Variants in CCSER1 observed in about 807,000 individuals in gnomAD.
CCSER1 encodes the protein coiled-coil serine rich protein 1, also known as serine-rich coiled-coil domain-containing protein 1.
A neutral mutation model predicts 82.0 loss-of-function variants in CCSER1; 41 were observed. The observed-to-expected ratio is 0.50, with a 90% CI of 0.39 to 0.65. The LOEUF is 0.65. Ranked by LOEUF, CCSER1 falls within the 30% of genes least tolerant of loss-of-function variation. The pLI, the probability that CCSER1 is intolerant of heterozygous loss-of-function variation, is 0.00. For missense variants in CCSER1, 1,119 were observed against 1,064.2 expected, an observed-to-expected ratio of 1.05 and a Z score of -0.72; for synonymous variants, 414 against 383.9, an observed-to-expected ratio of 1.08 and a Z score of -0.92.
At chr4:90,669,242 A>G (rs1425861800) in intron 6 of CCSER1, among the ~76,000 whole-genome samples, 1 of 152,060 alleles carries the variant, frequency 6.6e-6, no homozygotes, top group Admixed American at 6.6e-5. Context: ...GAATTTCTCA[A>G]ATTTTCTACA....
chr4:90,976,810 T>G (rs543069538), intron 9 of CCSER1, among the ~76,000 whole-genome samples: 3 of 151,748 alleles, frequency 2.0e-5, no homozygotes, highest in Admixed American at 6.6e-5. Flanking sequence ...TTATCCATAA[T>G]ATTTTACAAA....
intron 1 of CCSER1, among the ~76,000 whole-genome samples, chr4:90,234,322 T>C (rs1745339118): frequency 6.6e-6 from 1 of 151,920 alleles, no homozygotes; most frequent in Non-Finnish European, 1.5e-5. Context: ...GCTCAAGCAA[T>C]TCTCCTACCT....
chr4:90,929,434 C>T (rs1242202842), intron 9 of CCSER1, among the ~76,000 whole-genome samples: 3 of 152,178 alleles, frequency 2.0e-5, no homozygotes, highest in Admixed American at 6.6e-5. Flanking sequence ...CTCAAATCAG[C>T]ATAGACAACT....
intron 7 of CCSER1, among the ~76,000 whole-genome samples, chr4:90,741,898 A>G (rs1746616027): frequency 6.6e-6 from 1 of 152,194 alleles, no homozygotes; most frequent in Non-Finnish European, 1.5e-5. Flanking sequence ...TGCCTACTGT[A>G]TTAGTTCATT....
chr4:91,563,631 T>A (rs1762757892), intron 10 of CCSER1, among the ~76,000 whole-genome samples: 1 of 151,712 alleles, frequency 6.6e-6, no homozygotes, highest in African/African-American at 2.4e-5. Context: ...CCTCTAAGAT[T>A]AGAGAAACAA....
intron 1 of CCSER1, among the ~76,000 whole-genome samples, chr4:90,244,059 T>C (rs544732406): frequency 5.3e-5 from 8 of 152,200 alleles, no homozygotes; most frequent in Non-Finnish European, 1.0e-4. Flanking sequence ...AATGAATATT[T>C]TGAGTATTTT....
intron 10 of CCSER1, among the ~76,000 whole-genome samples, chr4:91,492,625 T>C (rs1325326133): frequency 6.6e-6 from 1 of 152,098 alleles, no homozygotes; most frequent in African/African-American, 2.4e-5. Flanking sequence ...AAGAACATTA[T>C]AAGAAGCAGC....
chr4:91,112,522 CT>C (rs1298818247), intron 10 of CCSER1: 1 of 152,070 alleles, frequency 6.6e-6, no homozygotes, highest in Non-Finnish European at 1.5e-5. Context: ...CAAGTTCTTT[CT>C]GCTTAGTTTT....
intron 5 of CCSER1, among the ~76,000 whole-genome samples, chr4:90,623,676 A>G (rs1386382444): frequency 6.6e-6 from 1 of 152,222 alleles, no homozygotes; most frequent in Non-Finnish European, 1.5e-5. Flanking sequence ...TATAGAGGGA[A>G]ATGCTGATTG....
chr4:90,330,037 T>C (rs901295800), intron 3 of CCSER1, among the ~76,000 whole-genome samples: 14 of 152,126 alleles, frequency 9.2e-5, no homozygotes, highest in African/African-American at 2.7e-4. Context: ...AAAATAATGA[T>C]AGATTATTTA....
intron 4 of CCSER1, among the ~76,000 whole-genome samples, chr4:90,440,906 C>T (rs1011555956): frequency 8.6e-5 from 13 of 152,000 alleles, no homozygotes; most frequent in Admixed American, 8.5e-4. Flanking sequence ...GCCCTATTCT[C>T]AGAGAGCTTT....
intron 9 of CCSER1, among the ~76,000 whole-genome samples, chr4:91,030,557 T>G (rs1410499511): frequency 1.3e-5 from 2 of 152,090 alleles, no homozygotes; most frequent in Non-Finnish European, 2.9e-5. Flanking sequence ...GGGTCTTTGG[T>G]CATTCATTTC....
intron 5 of CCSER1, among the ~76,000 whole-genome samples, chr4:90,595,487 T>A (rs1005591242): frequency 7.5e-6 from 1 of 133,006 alleles, no homozygotes; most frequent in Non-Finnish European, 1.5e-5. Flanking sequence ...AAATACGATA[T>A]GTTGGAAATT....
chr4:91,065,757 G>T (rs1720746509), intron 9 of CCSER1, among the ~76,000 whole-genome samples: 1 of 152,082 alleles, frequency 6.6e-6, no homozygotes, highest in African/African-American at 2.4e-5. Context: ...ACAGCTATTA[G>T]TTGATACACA....
chr4:91,522,124 T>C (rs12647384), intron 10 of CCSER1, among the ~76,000 whole-genome samples: 15,239 of 152,258 alleles, frequency 0.1, 835 homozygotes, highest in South Asian at 0.21. Flanking sequence ...CCAGCACCAT[T>C]TATTATAGGG....
intron 6 of CCSER1, among the ~76,000 whole-genome samples, chr4:90,683,364 C>G (rs1734235706): frequency 6.6e-6 from 1 of 151,998 alleles, no homozygotes; most frequent in Non-Finnish European, 1.5e-5. Flanking sequence ...AGAGCTCAAG[C>G]TATTTTGCTA....
At chr4:91,238,904 A>G (rs1214158851) in intron 10 of CCSER1, among the ~76,000 whole-genome samples, 2 of 151,966 alleles carry the variant, frequency 1.3e-5, no homozygotes, top group Non-Finnish European at 2.9e-5. Context: ...GCTCACCGCA[A>G]CCTCTGCCTC....
At chr4:90,737,403 G>C (rs551665012) in intron 7 of CCSER1, among the ~76,000 whole-genome samples, 7 of 152,054 alleles carry the variant, frequency 4.6e-5, no homozygotes, top group Non-Finnish European at 7.4e-5. Context: ...CTAGGATATA[G>C]GTTTTATTCC....
intron 4 of CCSER1, among the ~76,000 whole-genome samples, chr4:90,413,986 AT>A (rs1755409192): frequency 2.2e-5 from 2 of 90,120 alleles, no homozygotes; most frequent in Non-Finnish European, 4.1e-5. Flanking sequence ...AAAAAAATAT[AT>A]ATATATATAT....
Sources: allele counts gnomAD v4.1 joint callset (sites outside exome capture counted in the v4.1 genomes callset), GRCh38; gene constraint gnomAD v4.1.1; transcripts MANE v1.5; gene names NCBI Gene and HGNC (gene_info 2026-07-23, HGNC 2026-07-21).